Variants in AKR1C8 observed in about 807,000 individuals in gnomAD.
The protein encoded by AKR1C8 is aldo-keto reductase family 1 member C8, also known as aldo-keto reductase family 1 member C-like protein 1.
chr10:5,160,778 C>T, the AKR1C8 span: 2 of 469,794 alleles, frequency 4.3e-6, no homozygotes, highest in African/African-American at 2.0e-5. Context: ...AACCTCACTA[C>T]ACAGTGCTGC....
chr10:5,121,326 A>G, the AKR1C8 span, among the ~76,000 whole-genome samples: 11 of 152,262 alleles, frequency 7.2e-5, no homozygotes, highest in African/African-American at 2.4e-4. Flanking sequence ...CTGGAGTAAG[A>G]GTCTTGCCCT....
the AKR1C8 span, among the ~76,000 whole-genome samples, chr10:5,121,932 G>A: frequency 1.3e-5 from 2 of 151,870 alleles, no homozygotes; most frequent in East Asian, 1.9e-4. Flanking sequence ...AAATTGAGCC[G>A]TGGAGGAAAC....
At chr10:5,181,804 T>C in the AKR1C8 span, among the ~76,000 whole-genome samples, 1 of 152,188 alleles carries the variant, frequency 6.6e-6, no homozygotes, top group Admixed American at 6.5e-5. Context: ...ACAACTACCC[T>C]GGACATTTTG....
the AKR1C8 span, among the ~76,000 whole-genome samples, chr10:5,124,558 G>A: frequency 0.39 from 59,619 of 151,520 alleles, 12,508 homozygotes; most frequent in Non-Finnish European, 0.43. Context: ...CCCCAAGGAA[G>A]GAACAAATAC....
At chr10:5,162,340 TGA>T in the AKR1C8 span, among the ~76,000 whole-genome samples, 5 of 152,304 alleles carry the variant, frequency 3.3e-5, no homozygotes, top group South Asian at 1.0e-3. Context: ...AGAATTATTC[TGA>T]GAGACCTACA....
chr10:5,123,636 G>A, the AKR1C8 span: 273 of 1,368,170 alleles, frequency 2.0e-4, 1 homozygote, highest in African/African-American at 3.2e-3. Context: ...GTAAACTCCA[G>A]GAAAGAGAGT....
chr10:5,151,100 A>G, the AKR1C8 span, among the ~76,000 whole-genome samples: 1 of 152,074 alleles, frequency 6.6e-6, no homozygotes, highest in Admixed American at 6.6e-5. Flanking sequence ...GAGTCAGTTC[A>G]TGGGTGGGGG....
the AKR1C8 span, among the ~76,000 whole-genome samples, chr10:5,172,159 A>G: frequency 6.6e-6 from 1 of 152,130 alleles, no homozygotes; most frequent in African/African-American, 2.4e-5. Context: ...GCTAACAGTT[A>G]TAGTGGCATT....
chr10:5,148,435 C>G, the AKR1C8 span, among the ~76,000 whole-genome samples: 2 of 152,054 alleles, frequency 1.3e-5, no homozygotes, highest in Admixed American at 1.3e-4. Flanking sequence ...TGAGGACACA[C>G]CCAAGAAAGA....
chr10:5,128,062 A>G, the AKR1C8 span, among the ~76,000 whole-genome samples: 1 of 152,200 alleles, frequency 6.6e-6, no homozygotes, highest in South Asian at 2.1e-4. Context: ...AGAAGAATCT[A>G]TCAGACTAAC....
chr10:5,129,797 G>A, the AKR1C8 span, among the ~76,000 whole-genome samples: 6 of 151,780 alleles, frequency 4.0e-5, no homozygotes, highest in Non-Finnish European at 5.9e-5. Flanking sequence ...AACAAAAAAA[G>A]CCAAGGATCA....
the AKR1C8 span, chr10:5,161,790 A>T: frequency 1.3e-5 from 7 of 534,660 alleles, no homozygotes; most frequent in Non-Finnish European, 2.3e-5. Flanking sequence ...CTAGAATTAG[A>T]TAATTCAGAT....
chr10:5,138,512 T>A, the AKR1C8 span, among the ~76,000 whole-genome samples: 1 of 152,132 alleles, frequency 6.6e-6, no homozygotes, highest in Non-Finnish European at 1.5e-5. Flanking sequence ...TTTCATATTG[T>A]TCAAACACAC....
chr10:5,120,304 G>T, the AKR1C8 span, among the ~76,000 whole-genome samples: 1 of 152,056 alleles, frequency 6.6e-6, no homozygotes, highest in African/African-American at 2.4e-5. Context: ...AGCTCTGAAG[G>T]CTGTCAGCCC....
chr10:5,132,516 C>A, the AKR1C8 span: 4 of 1,221,596 alleles, frequency 3.3e-6, no homozygotes, highest in Non-Finnish European at 4.3e-6. Flanking sequence ...CACAATTCAC[C>A]CACCTACAGA....
At chr10:5,178,777 T>C in the AKR1C8 span, among the ~76,000 whole-genome samples, 184 of 150,622 alleles carry the variant, frequency 1.2e-3, 1 homozygote, top group African/African-American at 4.4e-3. Flanking sequence ...AAATCTGTTT[T>C]ATCAGAGACT....
At chr10:5,134,000 A>G in the AKR1C8 span, among the ~76,000 whole-genome samples, 1 of 152,230 alleles carries the variant, frequency 6.6e-6, no homozygotes, top group Non-Finnish European at 1.5e-5. Context: ...GAAATTTAAA[A>G]TTATTGATTT....
the AKR1C8 span, among the ~76,000 whole-genome samples, chr10:5,153,804 T>C: frequency 6.6e-6 from 1 of 152,190 alleles, no homozygotes; most frequent in Non-Finnish European, 1.5e-5. Flanking sequence ...GAGATTATCA[T>C]TGACATGATA....
At chr10:5,175,722 G>A in the AKR1C8 span, among the ~76,000 whole-genome samples, 2 of 152,164 alleles carry the variant, frequency 1.3e-5, no homozygotes, top group Admixed American at 6.5e-5. Context: ...TTCTCTGATG[G>A]CCAGTGATGG....
Sources: gnomAD v4.1 joint callset for allele counts (sites outside exome capture counted in the v4.1 genomes callset) on GRCh38, gnomAD v4.1.1 for gene constraint, MANE v1.5 for transcripts, NCBI Gene and HGNC (gene_info 2026-07-23, HGNC 2026-07-21) for gene names.